OLFML2B: variants seen among roughly 807,000 people sequenced by gnomAD.
OLFML2B encodes olfactomedin-like protein 2B.
OLFML2B carries 57 observed loss-of-function variants against 74.9 expected under a neutral mutation model. The ratio of observed to expected loss-of-function variants is 0.76; its 90% CI spans 0.61 to 0.95. The LOEUF is 0.95. OLFML2B is among the 40% of genes least tolerant of loss of function. The probability of loss-of-function intolerance (pLI) is 0.00; values close to 1 mark genes in which losing one functional copy is unlikely to be tolerated. For missense variants in OLFML2B, 986 were observed against 970.6 expected (o/e 1.02, Z -0.21); for synonymous variants, 388 against 405.8 (o/e 0.96, Z 0.53).
intron 6 of OLFML2B, among the ~76,000 whole-genome samples, chr1:161,991,066 T>G (rs187880845): frequency 1.1e-3 from 167 of 152,322 alleles, no homozygotes; most frequent in African/African-American, 3.7e-3. Flanking sequence ...ACATCTGCAG[T>G]GACTTCCTCC....
intron 4 of OLFML2B, among the ~76,000 whole-genome samples, chr1:162,004,733 C>T (rs924043213): frequency 6.6e-6 from 1 of 152,222 alleles, no homozygotes; most frequent in Non-Finnish European, 1.5e-5. Flanking sequence ...CAGTCCTGCA[C>T]AGCAATGCTT....
Position 162,006,395 on chromosome 1 carries a change from G to C in OLFML2B, c.625C>G (p.Arg209Gly). 1.9e-6 allele frequency: 3 copies of C among 1,612,302 alleles called. No homozygotes were observed. Among genetic ancestry groups the C allele is most frequent in the Non-Finnish European group, 1.7e-6 (2 of 1,179,564 alleles). The change falls in exon 4 of 8, where the codon CGA becomes GGA. Residue 209 changes from arginine (R) to glycine (G), a missense_variant. Transcript: ENST00000294794. ...MEEIRTEMNK[R>G]GKENCSENIL... ...TTTTCAGAGCAATTTTCTTTGCCTC[G>C]CTTATTCATCTCGGTTCGAATTTCT...
intron 4 of OLFML2B, among the ~76,000 whole-genome samples, chr1:162,003,191 C>A (rs1162168641): frequency 2.0e-5 from 3 of 152,202 alleles, no homozygotes; most frequent in Non-Finnish European, 4.4e-5. Context: ...CGCCTGCCTG[C>A]CCTAGTCCTC....
chr1:162,022,044 G>A (rs770898232), intron 1 of OLFML2B, among the ~76,000 whole-genome samples: 4 of 152,070 alleles, frequency 2.6e-5, no homozygotes, highest in Admixed American at 1.3e-4. Context: ...CTAGGGCTTG[G>A]TGGAGGTGAA....
intron 6 of OLFML2B, among the ~76,000 whole-genome samples, chr1:161,991,483 C>G (rs1337448229): frequency 6.6e-6 from 1 of 152,136 alleles, no homozygotes; most frequent in Non-Finnish European, 1.5e-5. Flanking sequence ...ACCTGTAATC[C>G]CAGCACTTTG....
chr1:162,000,304 G>A lies in OLFML2B; in HGVS notation c.758C>T (p.Ser253Phe). ...EERFLQEETVSQQINSIELLQ... is the reference protein window; with the variant it reads ...EERFLQEETVFQQINSIELLQ... ...AAGTTCGATGGAGTTGATCTGCTGG[G>A]ACACGGTTTCTTCCTGCAGAAACCG... Residue 253 changes from serine (S) to phenylalanine (F), a missense_variant, in exon 5 of 8, where the codon TCC becomes TTC. Physicochemically the swap from Ser to Phe is radical, Grantham distance 155 (BLOSUM62 -2). Coordinates refer to ENST00000294794, the MANE Select transcript of OLFML2B (RefSeq NM_015441.3). 1 of 1,613,024 alleles carries A rather than the reference G, an allele frequency of 6.2e-7. No homozygotes were observed. The highest frequency in any genetic ancestry group is 8.5e-7 in the Non-Finnish European group (1 of 1,180,016).
At chr1:161,984,680 T>C in intron 7 of OLFML2B, 124 bp downstream of exon 7, 3 of 1,016,752 alleles carry the variant, frequency 3.0e-6, no homozygotes, top group Non-Finnish European at 4.5e-6. Context: ...AAAGGTCCTT[T>C]AGCCATCAGA....
intron 3 of OLFML2B, among the ~76,000 whole-genome samples, chr1:162,008,969 G>A (rs1690304931): frequency 1.3e-5 from 2 of 152,154 alleles, no homozygotes; most frequent in African/African-American, 4.8e-5. Flanking sequence ...TGCCCCTCCT[G>A]TAGCTCTCAC....
At position 161,985,223 on chromosome 1, in the gene OLFML2B, C is replaced by T. The variant is rs1014950676; in HGVS notation, c.1475-243G>A. On this transcript the variant is annotated intron_variant, in intron 6 of 7. Transcript: ENST00000294794. ...GCAACTTTCACACCACTATGCTTTG[C>T]TCCTGTTCTGACTTCTCAGTCCTAT... is the stretch of plus-strand genomic sequence containing the variant. The T allele has an allele frequency of 9.4e-6, 4 of 424,238 alleles. No individual in the cohort carries two copies. In the East Asian group the frequency reaches 1.6e-4, roughly 17 times the overall value. 26.3% of individuals were successfully genotyped at this position (424,238 alleles called of 1,614,324 possible).
chr1:162,023,176 C>G, intron 1 of OLFML2B, 81 bp downstream of exon 1: 2 of 1,339,216 alleles, frequency 1.5e-6, no homozygotes, highest in Non-Finnish European at 2.0e-6. Context: ...CAGCTGCCCT[C>G]AAACACTTCA....
At position 161,988,245 on chromosome 1, in the gene OLFML2B, C is replaced by G. The variant is rs185353877; in HGVS notation, c.1475-3265G>C. Among the ~76,000 whole-genome samples, 40 of 152,324 alleles carry G rather than the reference C, an allele frequency of 2.6e-4. No homozygotes were observed. The South Asian group carries it at 8.3e-3, about 32-fold the overall frequency. On this transcript the variant is annotated intron_variant, in intron 6 of 7. Coordinates refer to ENST00000294794, the MANE Select transcript of OLFML2B (RefSeq NM_015441.3). ...GGGAGACAGCTGGTCCTGTTTCAAA[C>G]GTTACCAGGGTCTGAAAAGAAGGGG...
At chr1:161,990,620 C>T (rs1019883120) in intron 6 of OLFML2B, among the ~76,000 whole-genome samples, 9 of 152,176 alleles carry the variant, frequency 5.9e-5, no homozygotes, top group Non-Finnish European at 1.2e-4. Context: ...GGTCTTGCCT[C>T]GATGTTGATG....
In OLFML2B at chr1:161,998,087, G is replaced by A; in HGVS notation, c.1212C>T (p.Pro404=). 6.2e-7 allele frequency: 1 copy of A among 1,613,964 alleles called. No homozygotes were observed. The highest frequency in any genetic ancestry group is 8.5e-7 in the Non-Finnish European group (1 of 1,180,036). Residue 404 remains proline, a synonymous_variant, in exon 6 of 8, where the codon CCC becomes CCT. Coordinates refer to ENST00000294794, the MANE Select transcript of OLFML2B (RefSeq NM_015441.3). The stretch of plus-strand genomic sequence containing the variant: ...AAGGCTGCAGGACTGACTCCCTTGT[G>A]GGATCTGGAGACACCGAGGTTGTTT... ...TLQTTSVSPD[P]TRESVLQPSP...
chr1:161,983,620 A>T lies in OLFML2B; in HGVS notation c.*55T>A. 3 of 1,561,458 alleles carry T rather than the reference A, an allele frequency of 1.9e-6. No individual in the cohort carries two copies. The highest frequency in any genetic ancestry group is 2.6e-6 in the Non-Finnish European group (3 of 1,148,270). ...CCTACACACACGTGCGCGCACACAC[A>T]TACACACAAGGTGCTAGTGACCCCT... On this transcript the variant is annotated 3_prime_UTR_variant, in exon 8 of 8. Coordinates refer to ENST00000294794, the MANE Select transcript of OLFML2B (RefSeq NM_015441.3).
chr1:162,009,146 G>T (rs955296152), intron 3 of OLFML2B, among the ~76,000 whole-genome samples: 1 of 150,902 alleles, frequency 6.6e-6, no homozygotes, highest in African/African-American at 2.5e-5. Flanking sequence ...GTAGGCAATA[G>T]ACAAAGAAAT....
At chr1:162,022,384 G>A (rs775889997) in intron 1 of OLFML2B, among the ~76,000 whole-genome samples, 12 of 151,224 alleles carry the variant, frequency 7.9e-5, no homozygotes, top group Non-Finnish European at 1.6e-4. Context: ...CTGAGTAGCT[G>A]GGACTACAGG....
At chr1:161,988,957 G>A (rs180833542) in intron 6 of OLFML2B, among the ~76,000 whole-genome samples, 1 of 152,244 alleles carries the variant, frequency 6.6e-6, no homozygotes, top group Non-Finnish European at 1.5e-5. Context: ...CACCAACTGA[G>A]CCAGAAACCT....
In OLFML2B at chr1:162,018,721, G is replaced by C. The variant is rs145049932; in HGVS notation, c.438+1198C>G. On this transcript the variant is annotated intron_variant, in intron 2 of 7. Transcript: ENST00000294794. ...AGATGATGAGGGCCAGTTCTTGGAA[G>C]TTTACTGGGCCACACTTTTGCAATC... Among the ~76,000 whole-genome samples, 465 of 147,988 alleles carry C rather than the reference G, an allele frequency of 3.1e-3. 5 individuals are homozygous for C. The highest frequency in any genetic ancestry group is 0.01 in the African/African-American group (407 of 39,944).
intron 6 of OLFML2B, among the ~76,000 whole-genome samples, chr1:161,990,315 A>C (rs939914148): frequency 7.2e-5 from 11 of 152,268 alleles, no homozygotes; most frequent in Admixed American, 7.2e-4. Flanking sequence ...ATAAAGATGA[A>C]TTGTATAATT....
Sources: gnomAD v4.1 joint callset for allele counts (sites outside exome capture counted in the v4.1 genomes callset) on GRCh38, gnomAD v4.1.1 for gene constraint, MANE v1.5 for transcripts, NCBI Gene and HGNC (gene_info 2026-07-23, HGNC 2026-07-21) for gene names.